TTN: variants seen among roughly 807,000 people sequenced by gnomAD.
TTN encodes connectin.
Under a neutral mutation model 3,223.0 loss-of-function variants are expected in TTN, and 1,525 were observed. The ratio of observed to expected loss-of-function variants is 0.47; its 90% confidence interval spans 0.45 to 0.49. TTN has a LOEUF of 0.49. TTN is among the 20% of genes least tolerant of loss of function. TTN has a pLI of 0.00. For missense variants in TTN, 40,786 were observed against 43,424.0 expected, an observed-to-expected ratio of 0.94 and a Z score of 5.40; for synonymous variants, 14,094 against 15,161.0, an observed-to-expected ratio of 0.93 and a Z score of 5.17.
Position 178,679,645 on chromosome 2 carries a change from C to G in TTN, c.33618G>C (p.Lys11206Asn). 6.2e-7 allele frequency: 1 copy of G among 1,611,416 alleles called. No individual in the cohort carries two copies. The highest frequency in any genetic ancestry group is 1.3e-5 in the African/African-American group (1 of 74,712). The change falls in exon 141 of 363, where the codon AAG becomes AAC. Residue 11206 changes from lysine (K) to asparagine (N), a missense_variant. Coordinates refer to ENST00000589042, the MANE Select transcript of TTN (RefSeq NM_001267550.2). ...EVPRKPVPEEKKPVPVPKKKE... is the reference protein window; with the variant it reads ...EVPRKPVPEENKPVPVPKKKE... ...TCTTCTTGGGAACAGGAACAGGTTT[C>G]TTCTCTTCTGGAACAGGTTTCCTGG...
At chr2:178,639,948 G>C (rs926602150) in intron 222 of TTN, 100 bp downstream of exon 222, 1 of 1,481,186 alleles carries the variant, frequency 6.8e-7, no homozygotes, top group Admixed American at 2.0e-5. Context: ...GAAATCATTT[G>C]ATACATACTG....
intron 357 of TTN, 42 bp from the exon 358 acceptor site, chr2:178,535,891 A>G: frequency 6.6e-7 from 1 of 1,509,504 alleles, no homozygotes; most frequent in Non-Finnish European, 8.8e-7. Flanking sequence ...ATTTAGCAAC[A>G]TCTAACAGTA....
At position 178,598,855 on chromosome 2, in the gene TTN, C is replaced by A. The variant is rs762735652; in HGVS notation, c.56855G>T (p.Gly18952Val). The change falls in exon 291 of 363, where the codon GGT (glycine) becomes GTT (valine). Residue 18952 changes from glycine to valine, a missense_variant. Coordinates refer to ENST00000589042, the MANE Select transcript of TTN (RefSeq NM_001267550.2). ...TTGATAGTCGGAACCTTCAATAAGACCAGTCACTTTATAAGAAACACCCAA... is the reference window on the plus strand; with the variant it reads ...TTGATAGTCGGAACCTTCAATAAGAACAGTCACTTTATAAGAAACACCCAA... ...MTLGVSYKVTGLIEGSDYQFR... is the reference protein window; with the variant it reads ...MTLGVSYKVTVLIEGSDYQFR... 9.3e-6 allele frequency: 15 copies of A among 1,613,272 alleles called. No individual in the cohort carries two copies. Among genetic ancestry groups the A allele is most frequent in the Non-Finnish European group, 1.3e-5 (15 of 1,179,520 alleles).
intron 127 of TTN, among the ~76,000 whole-genome samples, chr2:178,686,004 T>C (rs556033996): frequency 6.6e-6 from 1 of 152,156 alleles, no homozygotes; most frequent in Admixed American, 6.5e-5. Context: ...TTTAAGTGAA[T>C]TGTAAGATAA....
At chr2:178,790,897 T>A (rs72647857) in intron 10 of TTN, 52 bp from the exon 11 acceptor site, 1 of 1,604,110 alleles carries the variant, frequency 6.2e-7, no homozygotes, top group East Asian at 2.2e-5. Context: ...ACAAAAGCAA[T>A]GGGAAGACAT....
At chr2:178,554,303 A>G (rs1700458291) in intron 332 of TTN, 87 bp from the exon 333 acceptor site, 5 of 1,454,866 alleles carry the variant, frequency 3.4e-6, no homozygotes, top group Non-Finnish European at 4.7e-6. Context: ...TTCCAAGAAC[A>G]TTGGTTTTAT....
At position 178,713,258 on chromosome 2, in the gene TTN, C is replaced by A; in HGVS notation, c.26876G>T (p.Trp8959Leu). 6.2e-7 allele frequency: 1 copy of A among 1,612,428 alleles called. No homozygotes were observed. The highest frequency in any genetic ancestry group is 1.3e-5 in the African/African-American group (1 of 74,986). ...ACTGATCTCATTTCCTTCATGGAAC[C>A]AGGAGACAGAGATTGGAGGTGACCC... The part of the protein sequence containing the change: ...VYGSPPISVS[W>L]FHEGNEISSG... The change falls in exon 93 of 363, where the codon TGG becomes TTG. Residue 8959 changes from tryptophan (W) to leucine (L), a missense_variant. Physicochemically the swap from Trp to Leu is moderately conservative, Grantham distance 61. Transcript: ENST00000589042.
intron 47 of TTN, chr2:178,745,558 A>C (rs1181744033): frequency 6.2e-7 from 1 of 1,610,968 alleles, no homozygotes; most frequent in Non-Finnish European, 8.5e-7. Flanking sequence ...AATGCTAATA[A>C]TTACTGAGGC....
rs1434019421 is a variant in TTN, at chr2:178,532,820, T to C, written c.103795A>G (p.Arg34599Gly). ...QKRPKRIRLS[R>G]WEQFYVMPLP... ...GGCATCACATAGAACTGTTCCCATC[T>C]TGAAAGGCGGATGCGCTTGGGTCGT... Residue 34599 changes from arginine (R) to glycine (G), a missense_variant, in exon 358 of 363, where the codon AGA becomes GGA. Coordinates refer to ENST00000589042, the MANE Select transcript of TTN (RefSeq NM_001267550.2). 3.1e-6 allele frequency: 5 copies of C among 1,613,992 alleles called. No homozygotes were observed. The highest frequency in any genetic ancestry group is 4.2e-6 in the Non-Finnish European group (5 of 1,179,870).
chr2:178,730,624 T>G lies in TTN; in HGVS notation c.17909A>C (p.His5970Pro), dbSNP rs539871760. 6.2e-7 allele frequency: 1 copy of G among 1,613,708 alleles called. No homozygotes were observed. The highest frequency in any genetic ancestry group is 1.1e-5 in the South Asian group (1 of 91,080). Residue 5970 changes from histidine to proline, a missense_variant, in exon 61 of 363, where the codon CAT (histidine) becomes CCT (proline). Physicochemically the swap from His to Pro is moderately conservative, Grantham distance 77. Coordinates refer to ENST00000589042, the MANE Select transcript of TTN (RefSeq NM_001267550.2). ...GATTTCCAAGAAGGCAGTATTGTCATGAAAAGAGAATTTGTACTTTTCACT... is the reference window on the plus strand; with the variant it reads ...GATTTCCAAGAAGGCAGTATTGTCAGGAAAAGAGAATTTGTACTTTTCACT... The part of the protein sequence containing the change: ...SASEKYKFSF[H>P]DNTAFLEISQ...
Position 178,651,935 on chromosome 2 carries a change from C to T in TTN, c.39328G>A (p.Glu13110Lys). Residue 13110 changes from glutamate to lysine, a missense_variant, in exon 205 of 363, where the codon GAG becomes AAG. By Grantham distance (56) the Glu-to-Lys change is moderately conservative (BLOSUM62 1). Coordinates refer to ENST00000589042, the MANE Select transcript of TTN (RefSeq NM_001267550.2). Reference sequence around the variant, plus strand: ...TCTTCCACAACTTCAGCAGGAGGCTCTTCTAGGGCAACTTCCTCAGGCTCC... The same window carrying T: ...TCTTCCACAACTTCAGCAGGAGGCTTTTCTAGGGCAACTTCCTCAGGCTCC... ...FEEPEEVALE[E>K]PPAEVVEEPE... 1 of 1,610,292 alleles carries T rather than the reference C, an allele frequency of 6.2e-7. No homozygotes were observed. The highest frequency in any genetic ancestry group is 8.5e-7 in the Non-Finnish European group (1 of 1,178,258).
At chr2:178,688,400 A>G (rs1231291418) in intron 126 of TTN, among the ~76,000 whole-genome samples, 176 bp from the exon 127 acceptor site, 2 of 152,268 alleles carry the variant, frequency 1.3e-5, no homozygotes, top group African/African-American at 4.8e-5. Context: ...GTACAGCCCA[A>G]GACTGAGAAT....
At position 178,590,708 on chromosome 2, in the gene TTN, A is replaced by C; in HGVS notation, c.61017T>G (p.Asn20339Lys). Reference protein sequence around the residue: ...KFRVTGLYEGNTYEFRVFAEN... With the variant: ...KFRVTGLYEGKTYEFRVFAEN... ...CAGCAAAAACTCTAAACTCATATGT[A>C]TTTCCTTCATAGAGTCCAGTCACTC... Residue 20339 changes from asparagine to lysine, a missense_variant, in exon 304 of 363, where the codon AAT (asparagine) becomes AAG (lysine). Coordinates refer to ENST00000589042, the MANE Select transcript of TTN (RefSeq NM_001267550.2). 6.2e-7 allele frequency: 1 copy of C among 1,612,954 alleles called. No homozygotes were observed. The highest frequency in any genetic ancestry group is 8.5e-7 in the Non-Finnish European group (1 of 1,179,342).
chr2:178,782,437 G>A lies in TTN; in HGVS notation c.3165-10C>T. 1 of 1,614,060 alleles carries A rather than the reference G, an allele frequency of 6.2e-7. No individual in the cohort carries two copies. The highest frequency in any genetic ancestry group is 8.5e-7 in the Non-Finnish European group (1 of 1,179,980). On this transcript the variant is annotated splice_polypyrimidine_tract_variant and intron_variant, in intron 19 of 362. Coordinates refer to ENST00000589042, the MANE Select transcript of TTN (RefSeq NM_001267550.2). Reference sequence around the variant, plus strand: ...TCTTGACTCAACAAAGCTGGAAAGAGAATTCCCCTCATATTAGCTTCCGGG... The same window carrying A: ...TCTTGACTCAACAAAGCTGGAAAGAAAATTCCCCTCATATTAGCTTCCGGG...
chr2:178,531,524 C>A lies in TTN; in HGVS notation c.105091G>T (p.Val35031Leu). The A allele has an allele frequency of 6.2e-7, 1 of 1,613,954 alleles. No individual in the cohort carries two copies. The highest frequency in any genetic ancestry group is 8.5e-7 in the Non-Finnish European group (1 of 1,179,890). Reference protein sequence around the residue: ...GEASDYATLDVTGGDYTTYAS... With the variant: ...GEASDYATLDLTGGDYTTYAS... ...TAGGTGGTATAATCCCCTCCTGTCACGTCCAACGTTGCATAGTCAGAAGCT... is the reference window on the plus strand; with the variant it reads ...TAGGTGGTATAATCCCCTCCTGTCAAGTCCAACGTTGCATAGTCAGAAGCT... Residue 35031 changes from valine to leucine, a missense_variant, in exon 358 of 363, where the codon GTG becomes TTG. Val to Leu is a conservative substitution (Grantham distance 32). Coordinates refer to ENST00000589042, the MANE Select transcript of TTN (RefSeq NM_001267550.2).
In TTN at chr2:178,734,618, T is replaced by C; in HGVS notation, c.15218-12A>G. ...GAAAGAAGGAGGTTCTACAAAAGCATGAAAGCATTGTGTAAGTAATGGGTA... is the reference window on the plus strand; with the variant it reads ...GAAAGAAGGAGGTTCTACAAAAGCACGAAAGCATTGTGTAAGTAATGGGTA... On this transcript the variant is annotated splice_polypyrimidine_tract_variant and intron_variant, in intron 51 of 362. Transcript: ENST00000589042. 1.3e-6 allele frequency: 2 copies of C among 1,560,722 alleles called. No individual in the cohort carries two copies. Among genetic ancestry groups the C allele is most frequent in the Non-Finnish European group, 1.7e-6 (2 of 1,154,576 alleles).
intron 316 of TTN, 192 bp from the exon 317 acceptor site, chr2:178,580,801 T>C (rs543559600): frequency 3.2e-6 from 2 of 618,394 alleles, no homozygotes; most frequent in East Asian, 3.1e-5. Context: ...TTTTCCACTA[T>C]GCTTTAGGCT....
intron 103 of TTN, 58 bp from the exon 104 acceptor site, chr2:178,705,024 G>T: frequency 6.3e-7 from 1 of 1,592,468 alleles, no homozygotes. Flanking sequence ...TTTAGAGGAC[G>T]CATGACTATA....
intron 336 of TTN, 182 bp from the exon 337 acceptor site, chr2:178,550,455 G>T: frequency 1.8e-6 from 1 of 561,250 alleles, no homozygotes; most frequent in Non-Finnish European, 3.1e-6. Context: ...TTAAATATTT[G>T]CCTATTATTA....
Sources: gnomAD v4.1 joint callset for allele counts (sites outside exome capture counted in the v4.1 genomes callset) on GRCh38, gnomAD v4.1.1 for gene constraint, MANE v1.5 for transcripts, NCBI Gene and HGNC (gene_info 2026-07-23, HGNC 2026-07-21) for gene names.